The following ADRA1B variants were observed in gnomAD, a reference collection of about 807,000 sequenced individuals.
ADRA1B encodes alpha-1B adrenergic receptor.
A neutral mutation model predicts 17.9 loss-of-function variants in ADRA1B; 17 were observed. The ratio of observed to expected loss-of-function variants is 0.95; its 90% CI spans 0.65 to 1.42. ADRA1B has a LOEUF of 1.42. ADRA1B is among the 40% of genes most tolerant of loss of function. The pLI, the probability that ADRA1B is intolerant of heterozygous loss-of-function variation, is 0.00. For synonymous variants in ADRA1B, 366 were observed against 327.6 expected (o/e 1.12, Z -1.27); for missense variants, 681 against 722.1 (o/e 0.94, Z 0.65).
chr5:159,986,986 T>C, the ADRA1B span, among the ~76,000 whole-genome samples: 2 of 152,204 alleles, frequency 1.3e-5, no homozygotes, highest in East Asian at 3.9e-4. Flanking sequence ...ACCTGCCCTC[T>C]GCCTTAAGGG....
intron 1 of ADRA1B, among the ~76,000 whole-genome samples, chr5:159,923,115 G>A (rs1164332902): frequency 6.6e-6 from 1 of 152,262 alleles, no homozygotes; most frequent in Non-Finnish European, 1.5e-5. Flanking sequence ...CAGAGAGAGT[G>A]GAGAACTAAC....
intron 1 of ADRA1B, among the ~76,000 whole-genome samples, chr5:159,921,696 C>T (rs1754486020): frequency 1.3e-5 from 2 of 152,200 alleles, no homozygotes; most frequent in African/African-American, 4.8e-5. Context: ...CTTTCCCCTC[C>T]AAATAAATGA....
At chr5:159,930,797 G>A (rs911679123) in intron 1 of ADRA1B, among the ~76,000 whole-genome samples, 2 of 151,712 alleles carry the variant, frequency 1.3e-5, no homozygotes, top group Non-Finnish European at 2.9e-5. Context: ...TTCACATGGT[G>A]CAATAAGCAA....
At chr5:159,899,684 C>T (rs572313869) in intron 1 of ADRA1B, among the ~76,000 whole-genome samples, 2 of 152,164 alleles carry the variant, frequency 1.3e-5, no homozygotes, top group Non-Finnish European at 2.9e-5. Context: ...CAGCCCTACT[C>T]CTGTGATGCC....
At chr5:159,924,105 A>G (rs993316186) in intron 1 of ADRA1B, among the ~76,000 whole-genome samples, 39 of 152,360 alleles carry the variant, frequency 2.6e-4, no homozygotes, top group Middle Eastern at 6.8e-3. Flanking sequence ...GCACCCAGAG[A>G]TTTTACTGGC....
chr5:159,988,199 G>C, the ADRA1B span, among the ~76,000 whole-genome samples: 1 of 152,288 alleles, frequency 6.6e-6, no homozygotes, highest in Admixed American at 6.5e-5. Flanking sequence ...TTGAAGATGG[G>C]AGACTTTGAA....
chr5:159,948,488 G>A (rs926633153), intron 1 of ADRA1B: 63 of 982,466 alleles, frequency 6.4e-5, no homozygotes, highest in African/African-American at 6.3e-4. Flanking sequence ...GTTAGTTAAC[G>A]TTTTATTACA....
chr5:159,890,794 C>G (rs1290111493), intron 1 of ADRA1B, among the ~76,000 whole-genome samples: 1 of 152,218 alleles, frequency 6.6e-6, no homozygotes, highest in African/African-American at 2.4e-5. Context: ...GAGACTTGCC[C>G]CATTTCAAGG....
At chr5:159,902,963 C>G (rs982153119) in intron 1 of ADRA1B, among the ~76,000 whole-genome samples, 1 of 152,166 alleles carries the variant, frequency 6.6e-6, no homozygotes, top group African/African-American at 2.4e-5. Flanking sequence ...TCGGACAGAA[C>G]ACGTCAGGTA....
intron 1 of ADRA1B, chr5:159,951,620 A>C: frequency 2.6e-6 from 1 of 390,786 alleles, no homozygotes; most frequent in South Asian, 2.2e-5. Context: ...GACCACTGTG[A>C]GACAGGGGCA....
chr5:159,926,451 C>T (rs937501904), intron 1 of ADRA1B, among the ~76,000 whole-genome samples: 5 of 152,138 alleles, frequency 3.3e-5, no homozygotes, highest in Admixed American at 3.3e-4. Flanking sequence ...TCTTGTCCTT[C>T]GTGCCCAGGG....
chr5:159,909,798 G>C (rs1377905136), intron 1 of ADRA1B, among the ~76,000 whole-genome samples: 1 of 152,188 alleles, frequency 6.6e-6, no homozygotes, highest in African/African-American at 2.4e-5. Context: ...TTACAACAGA[G>C]AGGCTCCTCA....
rs531250069 is a variant in ADRA1B, at chr5:159,902,893, C to A, written c.-255-13226C>A. ...TGTGGGGGTTTTCCTTCCTCCTATG[C>A]CTCTGGCGTGTGTCTATTCCCCTCC... On this transcript the variant is annotated intron_variant, in intron 1 of 2. Transcript: ENST00000641205. Among the ~76,000 whole-genome samples, 5 of 152,346 alleles carry A rather than the reference C, an allele frequency of 3.3e-5. No individual in the cohort carries two copies. The South Asian group carries it at 8.3e-4, about 25-fold the overall frequency.
intron 1 of ADRA1B, among the ~76,000 whole-genome samples, chr5:159,971,558 C>T (rs973555813): frequency 1.3e-5 from 2 of 151,982 alleles, no homozygotes; most frequent in Non-Finnish European, 2.9e-5. Flanking sequence ...CAATTGTGGG[C>T]GATTATTGTT....
Position 159,917,591 on chromosome 5 carries a change from T to C in ADRA1B, c.686T>C (p.Val229Ala), listed in dbSNP as rs1754359184. The change falls in exon 1 of 2, where the codon GTG becomes GCG. Residue 229 changes from valine to alanine, a missense_variant. By Grantham distance (64) the Val-to-Ala change is moderately conservative. Around this residue, in one of 3 missense-constraint regions of ADRA1B, gnomAD observed 424 missense variants for 480.2 expected, o/e 0.88. Coordinates refer to ENST00000306675, the MANE Select transcript of ADRA1B (RefSeq NM_000679.4). Reference protein sequence around the residue: ...ILVMYCRVYIVAKRTTKNLEA... With the variant: ...ILVMYCRVYIAAKRTTKNLEA... ...GTCATGTACTGCCGTGTCTATATAG[T>C]GGCCAAGAGAACCACCAAGAACCTA... 3 of 1,613,950 alleles carry C rather than the reference T, an allele frequency of 1.9e-6. No individual in the cohort carries two copies. The highest frequency in any genetic ancestry group is 2.5e-6 in the Non-Finnish European group (3 of 1,179,968).
At chr5:159,960,098 C>G in intron 1 of ADRA1B, among the ~76,000 whole-genome samples, 1 of 152,256 alleles carries the variant, frequency 6.6e-6, no homozygotes, top group South Asian at 2.1e-4. Flanking sequence ...ATTAATAGGT[C>G]GGGTGTGTAA....
At chr5:159,900,253 T>G (rs1754087714) in intron 1 of ADRA1B, among the ~76,000 whole-genome samples, 2 of 152,234 alleles carry the variant, frequency 1.3e-5, no homozygotes, top group South Asian at 4.1e-4. Flanking sequence ...AATCATTTTA[T>G]TAAATTCCCT....
intron 1 of ADRA1B, among the ~76,000 whole-genome samples, chr5:159,924,793 A>G (rs1473770376): frequency 1.3e-5 from 2 of 152,228 alleles, no homozygotes; most frequent in Non-Finnish European, 2.9e-5. Flanking sequence ...TCTGCTGGGC[A>G]GCACTGGAAA....
At chr5:159,907,265 G>T (rs1321245706) in intron 1 of ADRA1B, among the ~76,000 whole-genome samples, 1 of 152,136 alleles carries the variant, frequency 6.6e-6, no homozygotes, top group Non-Finnish European at 1.5e-5. Context: ...ACCTCACTGT[G>T]GATAGAAATA....
Sources: allele counts gnomAD v4.1 joint callset (sites outside exome capture counted in the v4.1 genomes callset), GRCh38; gene constraint gnomAD v4.1.1; regional missense constraint gnomAD v4.1.1; transcripts MANE v1.5; gene names NCBI Gene and HGNC (gene_info 2026-07-23, HGNC 2026-07-21).